Variants in ZC3H12B observed in about 807,000 individuals in gnomAD.
ZC3H12B encodes the protein probable ribonuclease ZC3H12B.
Under a neutral mutation model 43.9 loss-of-function variants are expected in ZC3H12B, and 7 were observed. The observed-to-expected ratio is 0.16, with a 90% confidence interval of 0.09 to 0.30. ZC3H12B has a LOEUF of 0.30. ZC3H12B is among the 10% of genes least tolerant of loss of function. The pLI is 1.00. For synonymous variants in ZC3H12B, 222 were observed against 241.7 expected (o/e 0.92, Z 0.76); for missense variants, 475 against 670.2 (o/e 0.71, Z 3.22).
At chrX:65,289,580 C>G in the ZC3H12B span, among the ~76,000 whole-genome samples, 1 of 108,621 alleles carries the variant, frequency 9.2e-6, no homozygotes, top group Non-Finnish European at 1.9e-5. Flanking sequence ...TTCATAATAT[C>G]TAATTTGATA....
At chrX:65,088,329 C>T in the ZC3H12B span, among the ~76,000 whole-genome samples, 4 of 110,262 alleles carry the variant, frequency 3.6e-5, no homozygotes, top group South Asian at 3.8e-4. Context: ...TTTCCACCAT[C>T]GTTGCAATAG....
At chrX:65,067,185 TAAAAAA>T in the ZC3H12B span, among the ~76,000 whole-genome samples, 2 of 101,031 alleles carry the variant, frequency 2.0e-5, no homozygotes, top group African/African-American at 3.6e-5. Context: ...GCCACTCTGT[TAAAAAA>T]AAAAAAACTC....
At chrX:65,170,022 A>C in the ZC3H12B span, among the ~76,000 whole-genome samples, 1 of 111,861 alleles carries the variant, frequency 8.9e-6, no homozygotes, top group African/African-American at 3.2e-5. Context: ...TGGAGCATTT[A>C]GCCGATTTAC....
the ZC3H12B span, among the ~76,000 whole-genome samples, chrX:65,244,669 G>T: frequency 1.1e-5 from 1 of 90,796 alleles, no homozygotes; most frequent in Non-Finnish European, 2.0e-5. Flanking sequence ...AATTGAGGCT[G>T]CAGTGGACCA....
chrX:65,385,263 G>T (rs1394644188), intron 2 of ZC3H12B, among the ~76,000 whole-genome samples: 2 of 111,990 alleles, frequency 1.8e-5, no homozygotes, highest in African/African-American at 6.5e-5. Context: ...TCACGATTTT[G>T]ATTCTTTCTA....
the ZC3H12B span, among the ~76,000 whole-genome samples, chrX:65,331,510 C>G: frequency 7.3e-5 from 8 of 109,861 alleles, no homozygotes; most frequent in Admixed American, 9.7e-5. Context: ...AGATAGTAGT[C>G]TAAGGGTACA....
the ZC3H12B span, among the ~76,000 whole-genome samples, chrX:65,086,163 G>GACCTTGGCACTTTTGAAGATT: frequency 9.4e-6 from 1 of 105,910 alleles, no homozygotes; most frequent in South Asian, 4.3e-4. Flanking sequence ...TGCCTTCTAT[G>GACCTTGGCACTTTTGAAGATT]ACCTTGGCAC....
chrX:65,429,518 A>G (rs1569405337), intron 3 of ZC3H12B, among the ~76,000 whole-genome samples: 1 of 112,506 alleles, frequency 8.9e-6, no homozygotes, highest in Non-Finnish European at 1.9e-5. Context: ...CACTTAAAGA[A>G]GCAGTCTGGC....
chrX:65,285,865 G>A, the ZC3H12B span, among the ~76,000 whole-genome samples: 1 of 111,505 alleles, frequency 9.0e-6, no homozygotes, highest in Admixed American at 9.5e-5. Flanking sequence ...AAGAGAAAAA[G>A]AAAGGAACAC....
chrX:65,304,241 C>A, the ZC3H12B span, among the ~76,000 whole-genome samples: 2 of 111,353 alleles, frequency 1.8e-5, no homozygotes, highest in Non-Finnish European at 3.8e-5. Flanking sequence ...AATTTTCAAC[C>A]AAACCTGAAA....
At chrX:65,044,526 T>C in the ZC3H12B span, among the ~76,000 whole-genome samples, 1 of 104,752 alleles carries the variant, frequency 9.5e-6, no homozygotes, top group South Asian at 3.9e-4. Context: ...AGAGAGAATA[T>C]TGACTTGATT....
chrX:65,350,734 A>G, the ZC3H12B span, among the ~76,000 whole-genome samples: 3 of 111,806 alleles, frequency 2.7e-5, no homozygotes, highest in African/African-American at 9.8e-5. Flanking sequence ...TACTAAGAAT[A>G]TAAAATACAT....
the ZC3H12B span, among the ~76,000 whole-genome samples, chrX:65,242,755 A>T: frequency 8.9e-6 from 1 of 112,337 alleles, no homozygotes; most frequent in Non-Finnish European, 1.9e-5. Flanking sequence ...TACCCAAAAC[A>T]TCATGATGCT....
At chrX:65,106,928 G>A in the ZC3H12B span, among the ~76,000 whole-genome samples, 17 of 111,235 alleles carry the variant, frequency 1.5e-4, no homozygotes, top group Non-Finnish European at 1.9e-4. Context: ...GGGTCACACA[G>A]CACAAGTTGA....
At chrX:65,350,672 A>G in the ZC3H12B span, among the ~76,000 whole-genome samples, 1 of 112,031 alleles carries the variant, frequency 8.9e-6, no homozygotes, top group Non-Finnish European at 1.9e-5. Flanking sequence ...AAGCATTTCT[A>G]TACACCAATA....
chrX:65,200,601 T>A, the ZC3H12B span, among the ~76,000 whole-genome samples: 1 of 107,608 alleles, frequency 9.3e-6, no homozygotes, highest in Admixed American at 1.0e-4. Flanking sequence ...CCAGGCTAAT[T>A]TTTTTTGTAT....
At chrX:65,163,273 A>T in the ZC3H12B span, among the ~76,000 whole-genome samples, 1 of 111,275 alleles carries the variant, frequency 9.0e-6, no homozygotes, top group Admixed American at 9.6e-5. Context: ...CAGCTGCGTG[A>T]TGGGAGAACC....
At chrX:65,192,220 A>G in the ZC3H12B span, among the ~76,000 whole-genome samples, 1 of 110,491 alleles carries the variant, frequency 9.1e-6, no homozygotes, top group Admixed American at 9.7e-5. Flanking sequence ...TTTACTTCCA[A>G]CTATGTGGTC....
intron 3 of ZC3H12B, among the ~76,000 whole-genome samples, chrX:65,407,127 G>C (rs1195522715): frequency 3.5e-5 from 4 of 113,051 alleles, no homozygotes; most frequent in Non-Finnish European, 7.5e-5. Flanking sequence ...AAAGAAAGAA[G>C]ACCGAGGAAG....
Sources: allele counts gnomAD v4.1 joint callset (sites outside exome capture counted in the v4.1 genomes callset), GRCh38; gene constraint gnomAD v4.1.1; transcripts MANE v1.5; gene names NCBI Gene and HGNC (gene_info 2026-07-23, HGNC 2026-07-21).